CDH18: variants seen among roughly 807,000 people sequenced by gnomAD.
The protein encoded by CDH18 is cadherin-18.
A neutral mutation model predicts 67.9 loss-of-function variants in CDH18; 31 were observed. The ratio of observed to expected loss-of-function variants is 0.46; its 90% CI spans 0.34 to 0.62. The LOEUF is 0.62. CDH18 is among the 20% of genes least tolerant of loss of function. The probability of loss-of-function intolerance (pLI) is 0.01; values close to 1 mark genes in which losing one functional copy is unlikely to be tolerated. For synonymous variants in CDH18, 362 were observed against 347.2 expected, an observed-to-expected ratio of 1.04 and a Z score of -0.48; for missense variants, 890 against 975.5, an observed-to-expected ratio of 0.91 and a Z score of 1.17.
At chr5:19,668,043 C>CA (rs1437751428) in intron 5 of CDH18, among the ~76,000 whole-genome samples, 1 of 151,950 alleles carries the variant, frequency 6.6e-6, no homozygotes, top group African/African-American at 2.4e-5. Context: ...AATTTTCTCT[C>CA]AAAATCATAG....
intron 5 of CDH18, among the ~76,000 whole-genome samples, chr5:19,685,069 C>G (rs1283709205): frequency 1.3e-5 from 2 of 152,076 alleles, no homozygotes; most frequent in African/African-American, 4.8e-5. Flanking sequence ...ATCATGTGCT[C>G]CATAACTGAA....
chr5:19,940,321 A>T (rs1794688634), intron 2 of CDH18, among the ~76,000 whole-genome samples: 1 of 151,736 alleles, frequency 6.6e-6, no homozygotes, highest in African/African-American at 2.4e-5. Flanking sequence ...ATGTGACCCT[A>T]TCTCCTCTAC....
At position 20,305,534 on chromosome 5, in the gene CDH18, G is replaced by C. The variant is rs532146298; in HGVS notation, c.-579-50029C>G. 2.5e-5 allele frequency: 21 copies of C among 838,130 alleles called. No homozygotes were observed. The Admixed American group carries it at 3.3e-4, about 13-fold the overall frequency. 51.9% of individuals were successfully genotyped at this position (838,130 alleles called of 1,614,324 possible). On this transcript the variant is annotated intron_variant, in intron 1 of 14. Coordinates refer to the CDH18 transcript ENST00000507958. Reference sequence around the variant, plus strand: ...CGGGGCGCAGCGGCGCAGGGGTCTCGAGCGGCTGGTGGTCGCGGGGCTGAG... The same window carrying C: ...CGGGGCGCAGCGGCGCAGGGGTCTCCAGCGGCTGGTGGTCGCGGGGCTGAG...
chr5:20,165,470 T>TAAGAGTC (rs980469244), intron 2 of CDH18, among the ~76,000 whole-genome samples: 2 of 152,124 alleles, frequency 1.3e-5, no homozygotes, highest in African/African-American at 4.8e-5. Flanking sequence ...TTGGATGTTG[T>TAAGAGTC]AAGAGTCAAT....
intron 12 of CDH18, among the ~76,000 whole-genome samples, chr5:19,475,246 T>C (rs1332759589): frequency 6.8e-6 from 1 of 147,654 alleles, no homozygotes; most frequent in East Asian, 2.1e-4. Flanking sequence ...TAAGCTTACA[T>C]TCTTATAAAC....
rs36099222 is a variant in CDH18, at chr5:19,522,894, CAAAA to C, written c.1391-2120_1391-2117del. ...TGAGTGACAGAGTGAGACTCCTTCT[CAAAA>C]AAAAAAAAAAAAAAAAAAGGAGAGT... On this transcript the variant is annotated intron_variant, in intron 9 of 12. Transcript: ENST00000382275. Among the ~76,000 whole-genome samples, 85 of 83,836 alleles carry C rather than the reference CAAAA, an allele frequency of 1.0e-3. No homozygotes were observed. The East Asian group carries it at 0.016, about 16-fold the overall frequency. The allele number at this position is 83,836 out of a possible 152,430, so 55.0% of individuals were successfully genotyped here. A position where few individuals can be genotyped will look rare whatever the true frequency, so the allele number is the denominator to read the frequency against.
chr5:19,602,044 A>G (rs568288682), intron 6 of CDH18, among the ~76,000 whole-genome samples: 50 of 152,320 alleles, frequency 3.3e-4, no homozygotes, highest in African/African-American at 1.2e-3. Flanking sequence ...CAGGAACAAA[A>G]GAGGATGCCT....
intron 2 of CDH18, among the ~76,000 whole-genome samples, chr5:20,238,744 G>C (rs1742662135): frequency 1.3e-5 from 2 of 152,140 alleles, no homozygotes; most frequent in African/African-American, 4.8e-5. Context: ...GTTTAGAGTT[G>C]CTCTATTAGA....
intron 1 of CDH18, among the ~76,000 whole-genome samples, chr5:20,561,641 T>C (rs1581203298): frequency 1.3e-5 from 2 of 152,116 alleles, no homozygotes; most frequent in African/African-American, 2.4e-5. Flanking sequence ...TTAGGGAAGC[T>C]CAACTATTCT....
chr5:20,005,420 AC>A (rs1359773781), intron 2 of CDH18, among the ~76,000 whole-genome samples: 2 of 43,766 alleles, frequency 4.6e-5, no homozygotes, highest in African/African-American at 1.5e-4. Context: ...ATATGTACAC[AC>A]ACACACACAC....
chr5:20,062,493 C>T (rs916289353), intron 2 of CDH18, among the ~76,000 whole-genome samples: 4 of 152,080 alleles, frequency 2.6e-5, no homozygotes, highest in African/African-American at 9.7e-5. Context: ...CCTTAGAAAA[C>T]ACTCAAAGCA....
intron 5 of CDH18, among the ~76,000 whole-genome samples, chr5:19,666,111 C>A (rs1388972994): frequency 6.6e-6 from 1 of 151,400 alleles, no homozygotes; most frequent in East Asian, 1.9e-4. Context: ...GCTCTGTCAC[C>A]CAGGCTGGAG....
intron 5 of CDH18, among the ~76,000 whole-genome samples, chr5:19,712,615 T>C (rs920247230): frequency 1.7e-4 from 25 of 149,984 alleles, no homozygotes; most frequent in African/African-American, 4.4e-4. Context: ...GGTTGAAATA[T>C]AGAAGTAAGT....
At chr5:19,725,148 G>C (rs1029644402) in intron 4 of CDH18, among the ~76,000 whole-genome samples, 1 of 151,908 alleles carries the variant, frequency 6.6e-6, no homozygotes, top group Non-Finnish European at 1.5e-5. Flanking sequence ...GGATAGTCTC[G>C]ATCTCCTGAC....
At chr5:20,366,214 C>G (rs1237703884) in intron 1 of CDH18, among the ~76,000 whole-genome samples, 1 of 152,128 alleles carries the variant, frequency 6.6e-6, no homozygotes, top group East Asian at 1.9e-4. Context: ...TCCTTTATCT[C>G]CAGTGCTCCC....
intron 7 of CDH18, among the ~76,000 whole-genome samples, chr5:19,583,469 G>T (rs552061297): frequency 6.6e-6 from 1 of 152,232 alleles, no homozygotes; most frequent in South Asian, 2.1e-4. Context: ...CATGAAGACA[G>T]TATATACATT....
intron 5 of CDH18, among the ~76,000 whole-genome samples, chr5:19,634,338 G>A (rs2044518): frequency 0.058 from 8,784 of 152,168 alleles, 284 homozygotes; most frequent in Non-Finnish European, 0.074. Flanking sequence ...AAAAACATGA[G>A]CTCTACAGAG....
intron 3 of CDH18, among the ~76,000 whole-genome samples, chr5:19,792,028 A>C: frequency 6.6e-6 from 1 of 152,166 alleles, no homozygotes; most frequent in East Asian, 1.9e-4. Context: ...GTAACCTGTT[A>C]GGTTTCTGAG....
rs1770936653 is a variant in CDH18 at position 19,752,199 on chromosome 5, C to T, written c.229-4963G>A. On this transcript the variant is annotated intron_variant, in intron 3 of 12. Transcript: ENST00000382275. ...TCCTGCTTGGACTCAGGGGAGGATGCAAATCCTGTGTGTAGACTCCACAGA... is the reference window on the plus strand; with the variant it reads ...TCCTGCTTGGACTCAGGGGAGGATGTAAATCCTGTGTGTAGACTCCACAGA... 2.0e-5 allele frequency among the ~76,000 whole-genome samples: 3 copies of T among 152,212 alleles called. 1 individual carries two copies. The South Asian group carries it at 6.2e-4, about 32-fold the overall frequency.
Sources: gnomAD v4.1 joint callset for allele counts (sites outside exome capture counted in the v4.1 genomes callset) on GRCh38, gnomAD v4.1.1 for gene constraint, MANE v1.5 for transcripts, NCBI Gene and HGNC (gene_info 2026-07-23, HGNC 2026-07-21) for gene names.